GRID2: variants seen among roughly 807,000 people sequenced by gnomAD.
GRID2 encodes the protein glutamate receptor ionotropic, delta-2.
GRID2 carries 33 observed loss-of-function variants against 114.8 expected under a neutral mutation model. The ratio of observed to expected loss-of-function variants is 0.29; its 90% CI spans 0.22 to 0.38. The LOEUF (loss-of-function observed/expected upper bound fraction) is 0.38, where lower values mean the gene tolerates loss of function less well. Among genes scored for constraint, GRID2 ranks in the 10% least tolerant of loss-of-function variants. GRID2 has a pLI of 1.00. For missense variants in GRID2, 1,184 were observed against 1,257.7 expected, an observed-to-expected ratio of 0.94 and a Z score of 0.89; for synonymous variants, 505 against 449.9, an observed-to-expected ratio of 1.12 and a Z score of -1.55.
intron 14 of GRID2, among the ~76,000 whole-genome samples, chr4:93,652,772 T>G (rs1722687087): frequency 1.1e-5 from 1 of 94,066 alleles, no homozygotes; most frequent in Admixed American, 1.5e-4. Context: ...TGACAGTAAA[T>G]GCAGTAAATG....
chr4:92,309,258 T>C (rs1394512627), intron 1 of GRID2, among the ~76,000 whole-genome samples: 1 of 152,010 alleles, frequency 6.6e-6, no homozygotes, highest in Non-Finnish European at 1.5e-5. Context: ...AATTTTATCT[T>C]AAAGGGCCAT....
At chr4:92,846,517 T>A (rs1430701816) in intron 2 of GRID2, among the ~76,000 whole-genome samples, 1 of 152,138 alleles carries the variant, frequency 6.6e-6, no homozygotes, top group African/African-American at 2.4e-5. Flanking sequence ...CTATGTAATA[T>A]CCCTTTGCTT....
In GRID2 at chr4:92,848,771, C is replaced by G. The variant is rs115011429; in HGVS notation, c.245-236224C>G. Among the ~76,000 whole-genome samples the G allele has an allele frequency of 5.9e-3, 901 of 151,908 alleles. 16 individuals carry two copies. The highest frequency in any genetic ancestry group is 0.021 in the African/African-American group (855 of 41,466). Reference sequence around the variant, plus strand: ...AAGAGGAGATTAAGTTTAAATGACACAGTTAAGGTAGGCCTAATCTAATCT... The same window carrying G: ...AAGAGGAGATTAAGTTTAAATGACAGAGTTAAGGTAGGCCTAATCTAATCT... On this transcript the variant is annotated intron_variant, in intron 2 of 15. Transcript: ENST00000282020.
intron 1 of GRID2, among the ~76,000 whole-genome samples, chr4:92,426,990 A>G (rs765717706): frequency 2.5e-4 from 38 of 152,156 alleles, no homozygotes; most frequent in Non-Finnish European, 4.7e-4. Flanking sequence ...AATGGTATCA[A>G]AATCACTGGG....
intron 1 of GRID2, among the ~76,000 whole-genome samples, chr4:92,313,191 G>A (rs1725798442): frequency 6.6e-6 from 1 of 151,816 alleles, no homozygotes; most frequent in South Asian, 2.1e-4. Flanking sequence ...ACTTGGATGA[G>A]ATTAGAGACT....
At chr4:93,201,824 T>C (rs537825198) in intron 4 of GRID2, among the ~76,000 whole-genome samples, 5 of 152,192 alleles carry the variant, frequency 3.3e-5, no homozygotes, top group Non-Finnish European at 5.9e-5. Context: ...CAGTGATAAA[T>C]TGTCGAGCTT....
intron 12 of GRID2, among the ~76,000 whole-genome samples, chr4:93,503,152 A>T (rs566989005): frequency 3.8e-4 from 57 of 151,942 alleles, no homozygotes; most frequent in Admixed American, 1.6e-3. Context: ...ATTGTGGAGG[A>T]CGTAGTTTGA....
intron 14 of GRID2, among the ~76,000 whole-genome samples, chr4:93,749,393 C>T (rs1262653114): frequency 6.6e-6 from 1 of 152,144 alleles, no homozygotes; most frequent in Non-Finnish European, 1.5e-5. Flanking sequence ...TGGGATGACT[C>T]TTCAAGGGGA....
chr4:92,316,431 A>C (rs1725984145), intron 1 of GRID2, among the ~76,000 whole-genome samples: 1 of 152,124 alleles, frequency 6.6e-6, no homozygotes, highest in Non-Finnish European at 1.5e-5. Context: ...ATAATCCATT[A>C]ATTTCAAGCT....
intron 2 of GRID2, among the ~76,000 whole-genome samples, chr4:92,704,595 T>C (rs1382803619): frequency 6.6e-6 from 1 of 152,152 alleles, no homozygotes; most frequent in Non-Finnish European, 1.5e-5. Flanking sequence ...ATAGAATGGA[T>C]AACAGTGATT....
chr4:92,616,323 G>T (rs534849250), intron 2 of GRID2, among the ~76,000 whole-genome samples: 1 of 150,818 alleles, frequency 6.6e-6, no homozygotes, highest in South Asian at 2.1e-4. Context: ...GGCCTCCTTT[G>T]TTTCTTGTAA....
chr4:93,154,397 T>C (rs1736987212), intron 4 of GRID2, among the ~76,000 whole-genome samples: 1 of 152,008 alleles, frequency 6.6e-6, no homozygotes. Flanking sequence ...AACATCCTTT[T>C]CCTTCTTAGC....
chr4:93,489,669 T>G (rs1023189301), intron 11 of GRID2, among the ~76,000 whole-genome samples: 8 of 151,842 alleles, frequency 5.3e-5, no homozygotes, highest in African/African-American at 1.9e-4. Flanking sequence ...TGAGGTAGGA[T>G]TTGGGATGTA....
intron 2 of GRID2, among the ~76,000 whole-genome samples, chr4:93,077,618 T>C (rs1047602224): frequency 2.6e-5 from 4 of 152,178 alleles, no homozygotes; most frequent in African/African-American, 9.7e-5. Flanking sequence ...TAATCCTCAC[T>C]CTTTGCTTGT....
intron 11 of GRID2, among the ~76,000 whole-genome samples, chr4:93,471,982 G>A (rs1346952657): frequency 6.7e-6 from 1 of 149,604 alleles, no homozygotes; most frequent in African/African-American, 2.4e-5. Flanking sequence ...TTATAGGCTT[G>A]AGCCACCTTG....
At chr4:93,472,127 C>T (rs965953709) in intron 11 of GRID2, among the ~76,000 whole-genome samples, 2 of 151,204 alleles carry the variant, frequency 1.3e-5, no homozygotes, top group Admixed American at 1.3e-4. Context: ...GAGTTCAAGA[C>T]CAGCCTGACC....
At chr4:92,562,736 C>G (rs1244254557) in intron 1 of GRID2, among the ~76,000 whole-genome samples, 1 of 152,016 alleles carries the variant, frequency 6.6e-6, no homozygotes, top group Non-Finnish European at 1.5e-5. Flanking sequence ...GCTCTCCAAA[C>G]CACATTTTAT....
At chr4:93,690,992 AAAG>A (rs1173320934) in intron 14 of GRID2, among the ~76,000 whole-genome samples, 1 of 149,538 alleles carries the variant, frequency 6.7e-6, no homozygotes, top group Non-Finnish European at 1.5e-5. Context: ...TATCACTAAA[AAAG>A]CATACTTATA....
intron 2 of GRID2, among the ~76,000 whole-genome samples, chr4:92,967,193 C>T (rs544910686): frequency 6.3e-4 from 95 of 151,944 alleles, no homozygotes; most frequent in Non-Finnish European, 8.2e-4. Context: ...AATCTGGGAG[C>T]CTTGTGAATT....
Sources: allele counts gnomAD v4.1 joint callset (sites outside exome capture counted in the v4.1 genomes callset), GRCh38; gene constraint gnomAD v4.1.1; transcripts MANE v1.5; gene names NCBI Gene and HGNC (gene_info 2026-07-23, HGNC 2026-07-21).